Variants in LRRC4C observed in about 807,000 individuals in gnomAD.
LRRC4C encodes leucine rich repeat containing 4C.
A neutral mutation model predicts 33.6 loss-of-function variants in LRRC4C; 5 were observed. The ratio of observed to expected loss-of-function variants is 0.15; its 90% CI spans 0.08 to 0.31. The LOEUF is 0.31. LRRC4C is among the 10% of genes least tolerant of loss of function. The pLI is 1.00. For missense variants in LRRC4C, 560 were observed against 796.7 expected, an observed-to-expected ratio of 0.70 and a Z score of 3.58; for synonymous variants, 329 against 302.0, an observed-to-expected ratio of 1.09 and a Z score of -0.93.
intron 1 of LRRC4C, among the ~76,000 whole-genome samples, chr11:41,250,330 G>A (rs1414789655): frequency 6.6e-6 from 1 of 152,170 alleles, no homozygotes; most frequent in Non-Finnish European, 1.5e-5. Context: ...AAAGTCATTA[G>A]GAATGATACA....
At chr11:40,803,017 T>C (rs979831128) in intron 2 of LRRC4C, among the ~76,000 whole-genome samples, 1 of 152,132 alleles carries the variant, frequency 6.6e-6, no homozygotes, top group Admixed American at 6.5e-5. Context: ...TTTAATAAAA[T>C]TCTATAATTA....
chr11:41,261,953 A>G lies in LRRC4C; in HGVS notation c.-496+197478T>C, dbSNP rs1392028655. ...TCCAGGATGGAACTAGGGACATTCT[A>G]AAGGAGAGAAAAATCTTCATTCTCT... On this transcript the variant is annotated intron_variant, in intron 1 of 6. Coordinates refer to ENST00000528697, the MANE Select transcript of LRRC4C (RefSeq NM_001258419.2). Among the ~76,000 whole-genome samples the G allele has an allele frequency of 6.6e-5, 10 of 152,138 alleles. No homozygotes were observed. The South Asian group carries it at 1.0e-3, about 16-fold the overall frequency.
rs537029704 is a variant in LRRC4C, at chr11:40,758,771, A to T, written c.-406-110493T>A. Among the ~76,000 whole-genome samples, 171 of 152,090 alleles carry T rather than the reference A, an allele frequency of 1.1e-3. 1 individual carries two copies. The highest frequency in any genetic ancestry group is 3.5e-3 in the Admixed American group (54 of 15,232). The stretch of plus-strand genomic sequence containing the variant: ...CTGGTTCTTCCATAAAATTTTTGTG[A>T]CCTTGCTCATTTTTCATTCTCCCAG... On this transcript the variant is annotated intron_variant, in intron 2 of 6. Coordinates refer to ENST00000528697, the MANE Select transcript of LRRC4C (RefSeq NM_001258419.2).
At chr11:40,751,095 C>T (rs1022517571) in intron 2 of LRRC4C, among the ~76,000 whole-genome samples, 1 of 151,898 alleles carries the variant, frequency 6.6e-6, no homozygotes, top group African/African-American at 2.4e-5. Context: ...GAATCTTAAT[C>T]TATACATAAG....
At chr11:40,469,377 C>A (rs759557023) in intron 3 of LRRC4C, among the ~76,000 whole-genome samples, 5 of 152,158 alleles carry the variant, frequency 3.3e-5, no homozygotes, top group African/African-American at 1.2e-4. Flanking sequence ...CCGTGGTCTT[C>A]GCAACCCACA....
intron 1 of LRRC4C, among the ~76,000 whole-genome samples, chr11:41,043,999 C>T (rs1241450147): frequency 6.6e-6 from 1 of 151,944 alleles, no homozygotes; most frequent in Non-Finnish European, 1.5e-5. Context: ...TCATTCCCTC[C>T]CCCACACACC....
chr11:41,130,242 T>G (rs925798584), intron 1 of LRRC4C, among the ~76,000 whole-genome samples: 2 of 152,012 alleles, frequency 1.3e-5, no homozygotes, highest in African/African-American at 4.8e-5. Context: ...ATTTAAGCAA[T>G]TGCTAATTCC....
intron 1 of LRRC4C, among the ~76,000 whole-genome samples, chr11:41,005,939 T>C (rs190414644): frequency 2.0e-5 from 3 of 152,214 alleles, no homozygotes; most frequent in Admixed American, 1.3e-4. Context: ...GAGACTGGAC[T>C]GTGAAATTTC....
At chr11:40,241,176 AGGCAGG>A in intron 5 of LRRC4C, among the ~76,000 whole-genome samples, 1 of 152,188 alleles carries the variant, frequency 6.6e-6, no homozygotes, top group African/African-American at 2.4e-5. Context: ...TAATTGCTTG[AGGCAGG>A]AGTGCCTGCA....
chr11:40,640,850 A>G (rs1246256647), intron 3 of LRRC4C, among the ~76,000 whole-genome samples: 1 of 151,876 alleles, frequency 6.6e-6, no homozygotes, highest in Non-Finnish European at 1.5e-5. Context: ...ACCCCTCTCT[A>G]CTAAAAATAC....
chr11:40,412,201 A>C (rs1481516567), intron 3 of LRRC4C, among the ~76,000 whole-genome samples: 1 of 152,080 alleles, frequency 6.6e-6, no homozygotes, highest in African/African-American at 2.4e-5. Flanking sequence ...TTTGTCTTAA[A>C]AAACTGCAAA....
chr11:40,812,065 T>C (rs902258665), intron 2 of LRRC4C, among the ~76,000 whole-genome samples: 1 of 152,220 alleles, frequency 6.6e-6, no homozygotes, highest in South Asian at 2.1e-4. Context: ...TGCTATTGCA[T>C]TGTAAGTACT....
intron 1 of LRRC4C, among the ~76,000 whole-genome samples, chr11:41,034,047 C>T (rs780889179): frequency 4.4e-4 from 67 of 151,914 alleles, no homozygotes; most frequent in Non-Finnish European, 7.8e-4. Context: ...CCTTTATTTT[C>T]GAAGTCATCA....
chr11:41,214,469 C>T (rs564268313), intron 1 of LRRC4C, among the ~76,000 whole-genome samples: 104 of 150,948 alleles, frequency 6.9e-4, no homozygotes, highest in African/African-American at 2.4e-3. Flanking sequence ...CGATGGCTCA[C>T]GCCTGTAATC....
intron 4 of LRRC4C, among the ~76,000 whole-genome samples, chr11:40,285,714 A>T (rs2136500967): frequency 6.6e-6 from 1 of 152,286 alleles, no homozygotes; most frequent in African/African-American, 2.4e-5. Context: ...CTTTCATTTC[A>T]GGAAATAGGG....
At chr11:41,233,075 C>G (rs1238482434) in intron 1 of LRRC4C, among the ~76,000 whole-genome samples, 1 of 152,024 alleles carries the variant, frequency 6.6e-6, no homozygotes, top group Non-Finnish European at 1.5e-5. Context: ...TTCTTAATTG[C>G]TCTTTCTTTA....
chr11:40,977,918 T>C (rs762941991), intron 1 of LRRC4C, among the ~76,000 whole-genome samples: 1 of 152,160 alleles, frequency 6.6e-6, no homozygotes, highest in Non-Finnish European at 1.5e-5. Flanking sequence ...GAAGAGGACA[T>C]GTGAAGGCAC....
At chr11:40,229,719 G>A (rs1865066920) in intron 5 of LRRC4C, among the ~76,000 whole-genome samples, 1 of 152,126 alleles carries the variant, frequency 6.6e-6, no homozygotes, top group Non-Finnish European at 1.5e-5. Flanking sequence ...CATTTTCCTA[G>A]ATTTTGGGAC....
chr11:41,163,060 T>C (rs950900952), intron 1 of LRRC4C, among the ~76,000 whole-genome samples: 5 of 152,076 alleles, frequency 3.3e-5, no homozygotes, highest in Admixed American at 6.6e-5. Context: ...TCTCACAAGA[T>C]CTGATGGTTT....
Sources: gnomAD v4.1 joint callset for allele counts (sites outside exome capture counted in the v4.1 genomes callset) on GRCh38, gnomAD v4.1.1 for gene constraint, MANE v1.5 for transcripts, NCBI Gene and HGNC (gene_info 2026-07-23, HGNC 2026-07-21) for gene names.